The following ZC3H13 variants were observed in gnomAD, a reference collection of about 807,000 sequenced individuals.
ZC3H13 encodes the protein zinc finger CCCH domain-containing protein 13.
ZC3H13 carries 64 observed loss-of-function variants against 204.1 expected under a neutral mutation model. That is an observed-to-expected ratio of 0.31 (90% CI 0.26 to 0.39). The LOEUF is 0.39. Ranked by LOEUF, ZC3H13 falls within the 10% of genes least tolerant of loss-of-function variation. The pLI, the probability that ZC3H13 is intolerant of heterozygous loss-of-function variation, is 1.00. For missense variants in ZC3H13, 1,833 were observed against 2,082.7 expected, an observed-to-expected ratio of 0.88 and a Z score of 2.33; for synonymous variants, 667 against 693.7, an observed-to-expected ratio of 0.96 and a Z score of 0.60.
At position 46,035,946 on chromosome 13, in the gene ZC3H13, T is replaced by A. The variant is rs183310510; in HGVS notation, c.339+6218A>T. ...ATCCCTTCCTCTAGAGTCAGTGCCATTTTTTTTTCTCATCTAGACAGAAAT... is the reference window on the plus strand; with the variant it reads ...ATCCCTTCCTCTAGAGTCAGTGCCAATTTTTTTTCTCATCTAGACAGAAAT... On this transcript the variant is annotated intron_variant, in intron 4 of 18. Transcript: ENST00000679008. Among the ~76,000 whole-genome samples the A allele has an allele frequency of 7.6e-3, 1,151 of 151,358 alleles. 7 individuals carry two copies. The highest frequency in any genetic ancestry group is 0.013 in the Non-Finnish European group (901 of 67,744).
At chr13:45,962,213 A>G in intron 17 of ZC3H13, 1 of 985,422 alleles carries the variant, frequency 1.0e-6, no homozygotes, top group Non-Finnish European at 1.2e-6. Flanking sequence ...ATTCAAGATA[A>G]TACATCAGTT....
intron 8 of ZC3H13, among the ~76,000 whole-genome samples, chr13:45,989,935 G>A (rs2039852368): frequency 6.6e-6 from 1 of 152,084 alleles, no homozygotes; most frequent in Admixed American, 6.5e-5. Context: ...ATTCCTCAAA[G>A]CAATCATCTC....
At chr13:46,001,694 C>G (rs2040755680) in intron 8 of ZC3H13, among the ~76,000 whole-genome samples, 1 of 152,078 alleles carries the variant, frequency 6.6e-6, no homozygotes. Context: ...TCAGAGACTT[C>G]TTAGTCAAAA....
intron 16 of ZC3H13, 45 bp from the exon 17 acceptor site, chr13:45,964,087 G>T: frequency 1.9e-6 from 3 of 1,546,790 alleles, no homozygotes; most frequent in Non-Finnish European, 2.6e-6. Flanking sequence ...CCAAGAAATA[G>T]CAGTCTTGTT....
chr13:45,963,815 T>C, intron 17 of ZC3H13, 27 bp downstream of exon 17: 1 of 1,613,234 alleles, frequency 6.2e-7, no homozygotes. Flanking sequence ...TAACAGACAT[T>C]ATATAGTTAA....
At chr13:46,002,709 C>CT (rs2040836649) in intron 8 of ZC3H13, among the ~76,000 whole-genome samples, 1 of 152,112 alleles carries the variant, frequency 6.6e-6, no homozygotes, top group South Asian at 2.1e-4. Flanking sequence ...TATAAGGTAT[C>CT]TGAAGCAGTC....
chr13:45,970,356 G>A lies in ZC3H13; in HGVS notation c.2572+6C>T. The A allele has an allele frequency of 8.1e-6, 13 of 1,612,912 alleles. No homozygotes were observed. Among genetic ancestry groups the A allele is most frequent in the Non-Finnish European group, 1.1e-5 (13 of 1,179,132 alleles). On this transcript the variant is annotated splice_donor_region_variant and intron_variant, in intron 13 of 18. Coordinates refer to ENST00000679008, the MANE Select transcript of ZC3H13 (RefSeq NM_001330564.2). ...TATAGAGAGACAGAAAACAGAGTCT[G>A]CTTACTTTTATCATCTCCACTGTTG...
rs1951267031 is a variant in ZC3H13, at chr13:45,956,204, T to C, written c.*923A>G. 1 of 152,160 alleles carries C rather than the reference T, an allele frequency of 6.6e-6. No individual in the cohort carries two copies. Among genetic ancestry groups the C allele is most frequent in the African/African-American group, 2.4e-5 (1 of 41,430 alleles). The allele number at this position is 152,160 out of a possible 1,614,324, so 9.4% of individuals were successfully genotyped here. A position where few individuals can be genotyped will look rare whatever the true frequency, so the allele number is the denominator to read the frequency against. On this transcript the variant is annotated 3_prime_UTR_variant, in exon 19 of 19. Transcript: ENST00000679008. Reference sequence around the variant, plus strand: ...TGATAGTAGAATATTAAACCTCAGGTTACGTTAGGTTTGTTAACTCTTGAT... The same window carrying C: ...TGATAGTAGAATATTAAACCTCAGGCTACGTTAGGTTTGTTAACTCTTGAT...
chr13:45,981,769 C>CA (rs1214854155), intron 10 of ZC3H13, among the ~76,000 whole-genome samples: 11 of 148,618 alleles, frequency 7.4e-5, no homozygotes, highest in South Asian at 2.1e-4. Context: ...ATCGCAAGAA[C>CA]AAAAAATCAA....
chr13:46,038,063 A>C (rs1161241779), intron 4 of ZC3H13, among the ~76,000 whole-genome samples: 1 of 152,180 alleles, frequency 6.6e-6, no homozygotes, highest in East Asian at 1.9e-4. Flanking sequence ...GTCTGGAGGT[A>C]AACTGGTGAG....
At chr13:45,973,614 T>C (rs774579551) in intron 12 of ZC3H13, among the ~76,000 whole-genome samples, 4 of 152,194 alleles carry the variant, frequency 2.6e-5, no homozygotes, top group African/African-American at 9.6e-5. Context: ...CTGAGTGCCA[T>C]GTCAGTGTTT....
intron 9 of ZC3H13, among the ~76,000 whole-genome samples, chr13:45,986,537 A>G (rs1954212138): frequency 6.6e-6 from 1 of 152,240 alleles, no homozygotes; most frequent in African/African-American, 2.4e-5. Context: ...TCATTTTATA[A>G]TAAAGAAATA....
At chr13:46,043,415 C>T (rs2043723271) in intron 3 of ZC3H13, among the ~76,000 whole-genome samples, 1 of 151,866 alleles carries the variant, frequency 6.6e-6, no homozygotes. Context: ...AGAACCAGTA[C>T]TTAAGTGCTC....
chr13:45,982,853 A>G (rs1953772713), intron 10 of ZC3H13, among the ~76,000 whole-genome samples: 1 of 152,240 alleles, frequency 6.6e-6, no homozygotes, highest in Non-Finnish European at 1.5e-5. Flanking sequence ...GGAGCATTTC[A>G]GATTAGGGAT....
At chr13:46,052,289 A>G in intron 1 of ZC3H13, 115 bp downstream of exon 1, 2 of 370,732 alleles carry the variant, frequency 5.4e-6, no homozygotes, top group Non-Finnish European at 9.6e-6. Flanking sequence ...TGCTCAAGGA[A>G]AGCTCAAAAT....
chr13:45,963,139 T>C, intron 17 of ZC3H13: 7 of 969,284 alleles, frequency 7.2e-6, no homozygotes, highest in Non-Finnish European at 8.6e-6. Context: ...GGTATGATTA[T>C]TCCTGACTTA....
intron 4 of ZC3H13, 74 bp downstream of exon 4, chr13:46,042,090 C>A: frequency 8.7e-7 from 1 of 1,154,422 alleles, no homozygotes; most frequent in Non-Finnish European, 1.3e-6. Flanking sequence ...ATTTAGCACA[C>A]AATATTTAAA....
intron 17 of ZC3H13, chr13:45,962,903 A>C (rs1315754676): frequency 1.0e-6 from 1 of 985,318 alleles, no homozygotes; most frequent in African/African-American, 1.7e-5. Flanking sequence ...GTACTAGATG[A>C]GACAGAGACA....
At chr13:45,966,131 T>C (rs1390440672) in intron 15 of ZC3H13, among the ~76,000 whole-genome samples, 1 of 152,172 alleles carries the variant, frequency 6.6e-6, no homozygotes, top group East Asian at 1.9e-4. Context: ...CTAAACTTTG[T>C]CTCTTGGTGA....
Sources: allele counts gnomAD v4.1 joint callset (sites outside exome capture counted in the v4.1 genomes callset), GRCh38; gene constraint gnomAD v4.1.1; transcripts MANE v1.5; gene names NCBI Gene and HGNC (gene_info 2026-07-23, HGNC 2026-07-21).